Variants in DMD observed in about 807,000 individuals in gnomAD.
DMD encodes dystrophin.
In DMD, 63 loss-of-function variants were observed where a neutral mutation model predicts 330.1. The observed-to-expected ratio is 0.19, with a 90% CI of 0.16 to 0.24. The LOEUF is 0.24. Ranked by LOEUF, DMD falls within the 10% of genes least tolerant of loss-of-function variation. The probability of loss-of-function intolerance (pLI) is 1.00; values close to 1 mark genes in which losing one functional copy is unlikely to be tolerated. For missense variants in DMD, 3,344 were observed against 2,684.1 expected, an observed-to-expected ratio of 1.25 and a Z score of -5.43; for synonymous variants, 1,223 against 959.8, an observed-to-expected ratio of 1.27 and a Z score of -5.07.
At chrX:31,368,720 A>G (rs2059390705) in intron 60 of DMD, among the ~76,000 whole-genome samples, 1 of 109,221 alleles carries the variant, frequency 9.2e-6, no homozygotes, top group African/African-American at 3.3e-5. Context: ...ATCTCGGCTC[A>G]GTGCAGCCTC....
At chrX:33,279,399 A>G (rs2053287547) in intron 1 of DMD, among the ~76,000 whole-genome samples, 1 of 110,432 alleles carries the variant, frequency 9.1e-6, no homozygotes, top group Non-Finnish European at 1.9e-5. Flanking sequence ...TCCAATAGTT[A>G]ATTCCTTTTT....
intron 2 of DMD, among the ~76,000 whole-genome samples, chrX:32,973,489 A>G (rs1436784330): frequency 8.9e-6 from 1 of 111,986 alleles, no homozygotes; most frequent in Non-Finnish European, 1.9e-5. Flanking sequence ...CTTGTTTGCT[A>G]GAACAGCGTT....
chrX:32,966,037 C>G (rs1413488384), intron 2 of DMD, among the ~76,000 whole-genome samples: 1 of 112,000 alleles, frequency 8.9e-6, no homozygotes, highest in Admixed American at 9.5e-5. Context: ...ATACTCAAAG[C>G]AAAGTATCTA....
chrX:32,797,605 T>G (rs1248327196), intron 7 of DMD, among the ~76,000 whole-genome samples: 1 of 112,123 alleles, frequency 8.9e-6, no homozygotes, highest in Non-Finnish European at 1.9e-5. Flanking sequence ...CCAATAGATG[T>G]TTTTAATATA....
rs375380449 is a variant in DMD at position 33,154,591 on chromosome X, T to G, written c.31+56691A>C. Among the ~76,000 whole-genome samples, 24 of 111,878 alleles carry G rather than the reference T, an allele frequency of 2.1e-4. No homozygotes were observed. In the East Asian group the frequency reaches 6.5e-3, roughly 30 times the overall value. ...CACTATTCCTGTTTTATTTCTAGATTAAAAATCACCAAAACAAGGAGACAG... is the reference window on the plus strand; with the variant it reads ...CACTATTCCTGTTTTATTTCTAGATGAAAAATCACCAAAACAAGGAGACAG... On this transcript the variant is annotated intron_variant, in intron 1 of 78. Transcript: ENST00000357033.
At chrX:32,412,821 G>A (rs2098148964) in intron 29 of DMD, among the ~76,000 whole-genome samples, 1 of 110,951 alleles carries the variant, frequency 9.0e-6, no homozygotes, top group African/African-American at 3.3e-5. Context: ...CATGACTGAG[G>A]TTTTAAGATG....
At chrX:32,853,783 A>AAAC (rs1557088070) in intron 2 of DMD, among the ~76,000 whole-genome samples, 91 of 107,380 alleles carry the variant, frequency 8.5e-4, no homozygotes, top group Non-Finnish European at 1.5e-3. Flanking sequence ...AAAAAAAAAA[A>AAAC]AAACAAACAA....
intron 1 of DMD, among the ~76,000 whole-genome samples, chrX:33,231,411 T>C (rs1165526441): frequency 8.9e-6 from 1 of 112,137 alleles, no homozygotes; most frequent in African/African-American, 3.2e-5. Flanking sequence ...AAAGTAGAAA[T>C]TGTTTATATA....
intron 43 of DMD, among the ~76,000 whole-genome samples, chrX:32,224,298 A>T (rs918039266): frequency 9.0e-6 from 1 of 110,937 alleles, no homozygotes; most frequent in African/African-American, 3.3e-5. Flanking sequence ...ATTAATTAAC[A>T]TATTCTCCTC....
rs754034395 is a variant in DMD at position 32,519,070 on chromosome X, C to A, written c.2169-939G>T. ...CCAGGGATAAATTATTCATTCTAAT[C>A]TGGTGATTTAGGTATAGAAGAGCCA... is the stretch of plus-strand genomic sequence containing the variant. On this transcript the variant is annotated intron_variant, in intron 17 of 78. Transcript: ENST00000357033. Among the ~76,000 whole-genome samples the A allele has an allele frequency of 1.1e-4, 8 of 74,472 alleles. No homozygotes were observed. In the South Asian group the frequency reaches 7.3e-3, roughly 68 times the overall value. 64.7% of individuals were successfully genotyped at this position (74,472 alleles called of 115,157 possible).
At chrX:32,907,576 T>TGG (rs2086830470) in intron 2 of DMD, among the ~76,000 whole-genome samples, 1 of 111,629 alleles carries the variant, frequency 9.0e-6, no homozygotes. Context: ...ATCAGAATTC[T>TGG]GGTAAAGCTT....
chrX:32,404,948 A>G (rs755182241), intron 30 of DMD, among the ~76,000 whole-genome samples: 154 of 111,397 alleles, frequency 1.4e-3, no homozygotes, highest in African/African-American at 4.7e-3. Flanking sequence ...TCCATCACCC[A>G]TTTTCCATTA....
chrX:33,117,079 T>TA lies in DMD; in HGVS notation c.31+94202_31+94203insT, dbSNP rs202077482. Among the ~76,000 whole-genome samples the TA allele has an allele frequency of 4.6e-3, 501 of 108,463 alleles. 2 individuals carry two copies. Among genetic ancestry groups the TA allele is most frequent in the African/African-American group, 0.015 (452 of 29,665 alleles). The allele number at this position is 108,463 out of a possible 115,157, so 94.2% of individuals were successfully genotyped here. On this transcript the variant is annotated intron_variant, in intron 1 of 78. Coordinates refer to ENST00000357033, the MANE Select transcript of DMD (RefSeq NM_004006.3). ...CCAGGCCACATTATATATATATATA[T>TA]TTTTTAACATAATGTACACAATACA... is the stretch of plus-strand genomic sequence containing the variant.
intron 21 of DMD, among the ~76,000 whole-genome samples, chrX:32,473,436 A>G (rs2040873754): frequency 9.0e-6 from 1 of 111,725 alleles, no homozygotes; most frequent in East Asian, 2.8e-4. Flanking sequence ...TTCTAAATAC[A>G]TGAAATCACA....
intron 41 of DMD, among the ~76,000 whole-genome samples, chrX:32,336,874 T>C (rs994413898): frequency 1.8e-5 from 2 of 111,906 alleles, no homozygotes; most frequent in Non-Finnish European, 3.8e-5. Flanking sequence ...GCCTCTATGT[T>C]AGCAGAAGAG....
At chrX:32,839,518 A>G (rs181045754) in intron 4 of DMD, among the ~76,000 whole-genome samples, 226 of 112,008 alleles carry the variant, frequency 2.0e-3, no homozygotes, top group African/African-American at 7.1e-3. Flanking sequence ...TGTGAATTTT[A>G]AAAGGAAATT....
At chrX:31,991,582 G>T (rs1246215105) in intron 44 of DMD, among the ~76,000 whole-genome samples, 1 of 110,012 alleles carries the variant, frequency 9.1e-6, no homozygotes, top group South Asian at 3.9e-4. Context: ...AGGTAGTAGG[G>T]CTAGAAATAC....
intron 9 of DMD, among the ~76,000 whole-genome samples, chrX:32,686,933 C>T (rs992614717): frequency 9.0e-6 from 1 of 111,558 alleles, no homozygotes; most frequent in African/African-American, 3.3e-5. Flanking sequence ...AATATTTCTG[C>T]TCTGTAATCT....
intron 43 of DMD, among the ~76,000 whole-genome samples, chrX:32,269,785 C>T (rs1387595112): frequency 8.9e-6 from 1 of 111,902 alleles, no homozygotes; most frequent in Non-Finnish European, 1.9e-5. Flanking sequence ...TGTATCTAAT[C>T]ACAAACAGGT....
Sources: gnomAD v4.1 joint callset for allele counts (sites outside exome capture counted in the v4.1 genomes callset) on GRCh38, gnomAD v4.1.1 for gene constraint, MANE v1.5 for transcripts, NCBI Gene and HGNC (gene_info 2026-07-23, HGNC 2026-07-21) for gene names.